Variants in CERS6 observed in about 807,000 individuals in gnomAD.
The protein encoded by CERS6 is LAG1 homolog, ceramide synthase 6.
A neutral mutation model predicts 56.8 loss-of-function variants in CERS6; 26 were observed. That is an observed-to-expected ratio of 0.46 (90% confidence interval 0.34 to 0.63). The LOEUF (loss-of-function observed/expected upper bound fraction) is 0.63. Ranked by LOEUF, CERS6 falls within the 30% of genes least tolerant of loss-of-function variation. The pLI, the probability that CERS6 is intolerant of heterozygous loss-of-function variation, is 0.01. For synonymous variants in CERS6, 164 were observed against 173.3 expected (o/e 0.95, Z 0.42); for missense variants, 415 against 467.5 (o/e 0.89, Z 1.04).
chr2:168,759,491 G>A (rs1286444090), intron 8 of CERS6, among the ~76,000 whole-genome samples: 1 of 152,132 alleles, frequency 6.6e-6, no homozygotes, highest in Non-Finnish European at 1.5e-5. Context: ...TTAGACAACA[G>A]TAGAGGTTCG....
At chr2:168,664,542 C>G (rs1363949851) in intron 4 of CERS6, among the ~76,000 whole-genome samples, 2 of 152,160 alleles carry the variant, frequency 1.3e-5, no homozygotes, top group Non-Finnish European at 2.9e-5. Context: ...GCCCCAAGGG[C>G]TGCTGCTTGC....
At chr2:168,768,293 G>C (rs375635380) in intron 9 of CERS6, among the ~76,000 whole-genome samples, 2 of 151,246 alleles carry the variant, frequency 1.3e-5, no homozygotes, top group Middle Eastern at 3.2e-3. Context: ...GCAATGGCGC[G>C]ATCTTGGCTC....
rs180686131 is a variant in CERS6 at position 168,593,987 on chromosome 2, A to C, written c.407+32665A>C. ...GTATTGCTACATTGGTTTTGGTTGTACTTTCAACTTTTACCAACTATGTAA... is the reference window on the plus strand; with the variant it reads ...GTATTGCTACATTGGTTTTGGTTGTCCTTTCAACTTTTACCAACTATGTAA... On this transcript the variant is annotated intron_variant, in intron 3 of 9. Transcript: ENST00000305747. Among the ~76,000 whole-genome samples, 11 of 152,340 alleles carry C rather than the reference A, an allele frequency of 7.2e-5. No individual in the cohort carries two copies. The East Asian group carries it at 1.3e-3, about 19-fold the overall frequency.
intron 1 of CERS6, among the ~76,000 whole-genome samples, chr2:168,476,535 A>G (rs925096231): frequency 6.6e-6 from 1 of 152,154 alleles, no homozygotes. Flanking sequence ...TATTAGAGGA[A>G]TTGGCTCACA....
chr2:168,625,792 ATTG>A (rs1345558714), intron 3 of CERS6, among the ~76,000 whole-genome samples: 1 of 152,110 alleles, frequency 6.6e-6, no homozygotes, highest in Non-Finnish European at 1.5e-5. Flanking sequence ...CTGGGTAATA[ATTG>A]TTAATAAGCT....
At chr2:168,473,232 A>G (rs974338077) in intron 1 of CERS6, among the ~76,000 whole-genome samples, 7 of 151,812 alleles carry the variant, frequency 4.6e-5, no homozygotes, top group Admixed American at 4.6e-4. Flanking sequence ...ACACCTGCCT[A>G]CCATGTATCT....
chr2:168,551,471 C>T (rs1558994382), intron 2 of CERS6, among the ~76,000 whole-genome samples: 1 of 152,256 alleles, frequency 6.6e-6, no homozygotes, highest in Non-Finnish European at 1.5e-5. Flanking sequence ...CTTAACGTCC[C>T]TAGGCTGCAG....
intron 1 of CERS6, among the ~76,000 whole-genome samples, chr2:168,464,103 G>C (rs920892231): frequency 4.0e-5 from 6 of 151,480 alleles, no homozygotes; most frequent in Non-Finnish European, 7.4e-5. Context: ...GTGGCCTTCA[G>C]GTTTTTTCTT....
chr2:168,605,707 C>G (rs531189400), intron 3 of CERS6, among the ~76,000 whole-genome samples: 1 of 152,330 alleles, frequency 6.6e-6, no homozygotes, highest in African/African-American at 2.4e-5. Flanking sequence ...CCAGCCATGG[C>G]TCAAAGGGGC....
chr2:168,524,391 G>A (rs766320541), intron 1 of CERS6, among the ~76,000 whole-genome samples: 8 of 151,862 alleles, frequency 5.3e-5, no homozygotes, highest in South Asian at 4.1e-4. Flanking sequence ...GGAAAAAGAC[G>A]TGGTGATTGT....
At chr2:168,477,062 C>T (rs1255120012) in intron 1 of CERS6, among the ~76,000 whole-genome samples, 1 of 151,914 alleles carries the variant, frequency 6.6e-6, no homozygotes, top group Admixed American at 6.6e-5. Context: ...ATCAAGGCAC[C>T]AGCAGATGCA....
chr2:168,754,730 T>C (rs969260813), intron 8 of CERS6, among the ~76,000 whole-genome samples: 3 of 152,328 alleles, frequency 2.0e-5, no homozygotes, highest in African/African-American at 4.8e-5. Context: ...TTAGCTCTTA[T>C]TTGCTAAAAA....
chr2:168,518,906 C>G (rs75343141), intron 1 of CERS6, among the ~76,000 whole-genome samples: 1 of 152,148 alleles, frequency 6.6e-6, no homozygotes, highest in Non-Finnish European at 1.5e-5. Flanking sequence ...CTTTGTTCCC[C>G]GTGGCCCTCC....
chr2:168,572,441 C>T (rs1696006802), intron 3 of CERS6, among the ~76,000 whole-genome samples: 1 of 152,154 alleles, frequency 6.6e-6, no homozygotes. Flanking sequence ...CCTGACCCAA[C>T]ACCACACAGC....
chr2:168,769,955 G>A lies in CERS6; in HGVS notation c.*293G>A. ...ATTTGTAAATCTGTGGACAAAAGAGGGTTTCCTCACTCCTTTTACTCACTG... is the reference window on the plus strand; with the variant it reads ...ATTTGTAAATCTGTGGACAAAAGAGAGTTTCCTCACTCCTTTTACTCACTG... On this transcript the variant is annotated 3_prime_UTR_variant, in exon 10 of 10. Transcript: ENST00000305747. The A allele has an allele frequency of 6.4e-6, 2 of 314,264 alleles. No individual in the cohort carries two copies. The highest frequency in any genetic ancestry group is 3.1e-5 in the South Asian group (1 of 31,902). The allele number at this position is 314,264 out of a possible 1,614,324, so 19.5% of individuals were successfully genotyped here. A position where few individuals can be genotyped will look rare whatever the true frequency, so the allele number is the denominator to read the frequency against.
chr2:168,758,707 G>A (rs928404853), intron 8 of CERS6, among the ~76,000 whole-genome samples: 9 of 152,148 alleles, frequency 5.9e-5, no homozygotes, highest in East Asian at 5.8e-4. Flanking sequence ...TACATATTAC[G>A]GAGAATGGAT....
chr2:168,648,202 T>A (rs182845139), intron 4 of CERS6, among the ~76,000 whole-genome samples: 1 of 152,276 alleles, frequency 6.6e-6, no homozygotes, highest in East Asian at 1.9e-4. Flanking sequence ...CAGAGCTCGT[T>A]ACTGGTCTGT....
rs1483789147 is a variant in CERS6 at position 168,749,072 on chromosome 2, T to C, written c.846-16520T>C. Among the ~76,000 whole-genome samples the C allele has an allele frequency of 2.0e-5, 3 of 150,818 alleles. No individual in the cohort carries two copies. The East Asian group carries it at 5.9e-4, about 30-fold the overall frequency. The stretch of plus-strand genomic sequence containing the variant: ...ACCCATCATTTCCAGAAGCACTCTC[T>C]CTCCTATATCTTCCAAAATTATGAC... On this transcript the variant is annotated intron_variant, in intron 8 of 9. Coordinates refer to ENST00000305747, the MANE Select transcript of CERS6 (RefSeq NM_203463.3).
intron 8 of CERS6, among the ~76,000 whole-genome samples, chr2:168,740,522 G>A (rs1683864896): frequency 6.6e-6 from 1 of 152,126 alleles, no homozygotes; most frequent in African/African-American, 2.4e-5. Flanking sequence ...AATGTGGTGA[G>A]CATTATGAAG....
Sources: gnomAD v4.1 joint callset for allele counts (sites outside exome capture counted in the v4.1 genomes callset) on GRCh38, gnomAD v4.1.1 for gene constraint, MANE v1.5 for transcripts, NCBI Gene and HGNC (gene_info 2026-07-23, HGNC 2026-07-21) for gene names.